RTTN: variants seen among roughly 807,000 people sequenced by gnomAD.
RTTN encodes rotatin.
RTTN carries 182 observed loss-of-function variants against 269.2 expected under a neutral mutation model. The observed-to-expected ratio is 0.68, with a 90% CI of 0.60 to 0.76. The LOEUF (loss-of-function observed/expected upper bound fraction) is 0.76, where lower values mean the gene tolerates loss of function less well. Among genes scored for constraint, RTTN ranks in the 30% least tolerant of loss-of-function variants. The pLI, the probability that RTTN is intolerant of heterozygous loss-of-function variation, is 0.00. For missense variants in RTTN, 2,545 were observed against 2,608.6 expected (o/e 0.98, Z 0.53); for synonymous variants, 1,006 against 963.5 (o/e 1.04, Z -0.82).
In RTTN at chr18:70,127,311, C is replaced by A. The variant is rs567178750; in HGVS notation, c.3383+191G>T. 7.2e-5 allele frequency among the ~76,000 whole-genome samples: 11 copies of A among 152,234 alleles called. No individual in the cohort carries two copies. The South Asian group carries it at 2.3e-3, about 32-fold the overall frequency. ...AAATTGTTACAAGTTTATTAATAAT[C>A]CCTTCAACAATGCAATAACTAAATT... On this transcript the variant is annotated intron_variant, in intron 25 of 48. Transcript: ENST00000640769.
At chr18:70,114,408 A>G (rs1434480939) in intron 27 of RTTN, 37 bp downstream of exon 27, 32 of 1,584,900 alleles carry the variant, frequency 2.0e-5, no homozygotes, top group Non-Finnish European at 2.7e-5. Context: ...TGGGTTCTAT[A>G]TAAATGCACC....
intron 10 of RTTN, among the ~76,000 whole-genome samples, chr18:70,180,121 T>TA (rs11316357): frequency 1.8e-3 from 266 of 146,520 alleles, no homozygotes; most frequent in African/African-American, 4.6e-3. Flanking sequence ...TCCGCCAGAT[T>TA]AAAAAAAAAA....
intron 19 of RTTN, among the ~76,000 whole-genome samples, 164 bp from the exon 20 acceptor site, chr18:70,140,352 G>A (rs1360735794): frequency 5.3e-5 from 8 of 151,950 alleles, no homozygotes; most frequent in African/African-American, 1.5e-4. Context: ...TTTACTTTAC[G>A]TACACCTGTC....
chr18:70,153,322 C>G (rs1416391816), intron 14 of RTTN, among the ~76,000 whole-genome samples: 1 of 151,850 alleles, frequency 6.6e-6, no homozygotes, highest in Admixed American at 6.6e-5. Context: ...CACATACATA[C>G]TTTTTATGTA....
chr18:70,202,733 G>GCAAGTTA (rs2061984016), intron 3 of RTTN, among the ~76,000 whole-genome samples: 1 of 152,168 alleles, frequency 6.6e-6, no homozygotes, highest in Non-Finnish European at 1.5e-5. Context: ...GTACTGTGGG[G>GCAAGTTA]CAAGTTACTT....
At chr18:70,142,092 C>T (rs925218845) in intron 19 of RTTN, among the ~76,000 whole-genome samples, 196 bp downstream of exon 19, 7 of 152,088 alleles carry the variant, frequency 4.6e-5, no homozygotes, top group African/African-American at 9.7e-5. Context: ...TATGGTCTCT[C>T]GCATATTCTT....
intron 36 of RTTN, among the ~76,000 whole-genome samples, chr18:70,058,739 A>T (rs1242292134): frequency 1.4e-4 from 21 of 152,178 alleles, no homozygotes; most frequent in Admixed American, 1.2e-3. Context: ...AGGCAGGAGC[A>T]TCCAGGAAGG....
chr18:70,144,292 C>T (rs2060333476), intron 18 of RTTN, among the ~76,000 whole-genome samples: 1 of 152,180 alleles, frequency 6.6e-6, no homozygotes, highest in South Asian at 2.1e-4. Context: ...GCGACCCAGA[C>T]CTATGACTCA....
At chr18:70,050,068 C>T (rs371818523) in intron 39 of RTTN, among the ~76,000 whole-genome samples, 9 of 152,014 alleles carry the variant, frequency 5.9e-5, no homozygotes, top group African/African-American at 1.9e-4. Context: ...AGGCTTACAA[C>T]TGACAAATGG....
Position 70,188,195 on chromosome 18 carries a change from C to T in RTTN, c.1218G>A (p.Leu406=), listed in dbSNP as rs2061590773. The T allele has an allele frequency of 1.2e-6, 2 of 1,608,690 alleles. No homozygotes were observed. The highest frequency in any genetic ancestry group is 8.5e-7 in the Non-Finnish European group (1 of 1,175,858). The change falls in exon 10 of 49, where the codon CTG becomes CTA. Residue 406 remains leucine (L), a synonymous_variant. Transcript: ENST00000640769. Reference sequence around the variant, plus strand: ...GTGTCATATCCTCTGTAAGCAATTCCAGAACTCTTATTATCACTTGTCTGC... The same window carrying T: ...GTGTCATATCCTCTGTAAGCAATTCTAGAACTCTTATTATCACTTGTCTGC... ...TGSRQVIIRV[L]ELLTEDMTLI...
At chr18:70,006,675 A>G in intron 46 of RTTN, 191 bp from the exon 47 acceptor site, 1 of 560,488 alleles carries the variant, frequency 1.8e-6, no homozygotes, top group Non-Finnish European at 3.2e-6. Context: ...CATTGTTTTC[A>G]TGTCAGGCAT....
chr18:70,034,908 C>T (rs972971623), intron 40 of RTTN, among the ~76,000 whole-genome samples: 5 of 152,040 alleles, frequency 3.3e-5, no homozygotes, highest in Non-Finnish European at 5.9e-5. Context: ...ACAATCAAGC[C>T]GAGAGGCAAA....
At chr18:70,099,894 T>C (rs917167116) in intron 28 of RTTN, among the ~76,000 whole-genome samples, 2 of 152,184 alleles carry the variant, frequency 1.3e-5, no homozygotes, top group African/African-American at 2.4e-5. Context: ...TGGTTGTAGA[T>C]GTGTGGTATT....
At chr18:70,115,361 A>G (rs946869891) in intron 26 of RTTN, among the ~76,000 whole-genome samples, 1 of 152,070 alleles carries the variant, frequency 6.6e-6, no homozygotes, top group African/African-American at 2.4e-5. Flanking sequence ...AGTTCTTTCT[A>G]AAGTTTTTCC....
chr18:70,173,597 T>C (rs2061205666), intron 11 of RTTN, among the ~76,000 whole-genome samples: 2 of 151,226 alleles, frequency 1.3e-5, no homozygotes, highest in South Asian at 4.2e-4. Context: ...CAAAGAGGCA[T>C]AAGGAATAGT....
intron 11 of RTTN, among the ~76,000 whole-genome samples, chr18:70,174,029 T>C (rs1456824346): frequency 1.3e-5 from 2 of 152,100 alleles, no homozygotes; most frequent in African/African-American, 4.8e-5. Context: ...AAGGGGTCTT[T>C]GGAATGCTGG....
intron 35 of RTTN, chr18:70,061,334 C>G: frequency 2.2e-6 from 1 of 456,086 alleles, no homozygotes; most frequent in South Asian, 1.5e-5. Flanking sequence ...CAAGATGTTC[C>G]AGGTTCATCT....
At chr18:70,031,029 A>G (rs781413845) in intron 40 of RTTN, 48 bp from the exon 41 acceptor site, 6 of 1,314,664 alleles carry the variant, frequency 4.6e-6, no homozygotes, top group African/African-American at 4.4e-5. Context: ...TTTAATCTGG[A>G]GCAAAACTGT....
intron 31 of RTTN, among the ~76,000 whole-genome samples, chr18:70,086,996 T>G (rs2058719070): frequency 6.6e-6 from 1 of 152,072 alleles, no homozygotes; most frequent in African/African-American, 2.4e-5. Flanking sequence ...TAACATAAAT[T>G]CTTCTGGTAG....
Sources: allele counts gnomAD v4.1 joint callset (sites outside exome capture counted in the v4.1 genomes callset), GRCh38; gene constraint gnomAD v4.1.1; transcripts MANE v1.5; gene names NCBI Gene and HGNC (gene_info 2026-07-23, HGNC 2026-07-21).